Variants in INSL6 observed in about 807,000 individuals in gnomAD.
INSL6 encodes insulin-like peptide INSL6.
Under a neutral mutation model 9.4 loss-of-function variants are expected in INSL6, and 16 were observed. The observed-to-expected ratio is 1.70, with a 90% CI of 1.15 to 2.59. INSL6 has a LOEUF of 2.59. Ranked by LOEUF, INSL6 falls within the 30% of genes most tolerant of loss-of-function variation. INSL6 has a pLI of 0.00. For synonymous variants in INSL6, 154 were observed against 96.9 expected, an observed-to-expected ratio of 1.59 and a Z score of -3.46; for missense variants, 391 against 257.3, an observed-to-expected ratio of 1.52 and a Z score of -3.56.
the INSL6 span, among the ~76,000 whole-genome samples, chr9:5,092,431 T>G: frequency 6.6e-6 from 1 of 152,178 alleles, no homozygotes; most frequent in South Asian, 2.1e-4. Context: ...ACCCAAAGCA[T>G]CCAGCTTACA....
At chr9:5,152,335 A>G (rs2130895928) in intron 2 of INSL6, among the ~76,000 whole-genome samples, 2 of 152,332 alleles carry the variant, frequency 1.3e-5, no homozygotes, top group Middle Eastern at 3.4e-3. Context: ...ATGGAACATA[A>G]AACAATTCTC....
the INSL6 span, chr9:5,108,184 C>T: frequency 1.3e-5 from 2 of 152,030 alleles, no homozygotes; most frequent in African/African-American, 2.4e-5. Flanking sequence ...AATGAATCAC[C>T]CCCACAAAAA....
chr9:5,059,437 G>C, the INSL6 span, among the ~76,000 whole-genome samples: 2 of 152,084 alleles, frequency 1.3e-5, no homozygotes, highest in African/African-American at 4.8e-5. Context: ...TTGTTTGACT[G>C]TACCTCAAAT....
At chr9:5,145,570 C>G (rs1200110276) in intron 2 of INSL6, among the ~76,000 whole-genome samples, 1 of 152,196 alleles carries the variant, frequency 6.6e-6, no homozygotes, top group African/African-American at 2.4e-5. Flanking sequence ...TGGTTCCACT[C>G]TTCCCAGCTC....
chr9:5,149,195 T>C (rs1586862955), intron 2 of INSL6, among the ~76,000 whole-genome samples: 1 of 152,370 alleles, frequency 6.6e-6, no homozygotes, highest in South Asian at 2.1e-4. Flanking sequence ...TAGAGGTACA[T>C]GGCGAGAGTG....
At chr9:5,015,625 C>G in the INSL6 span, among the ~76,000 whole-genome samples, 1 of 151,754 alleles carries the variant, frequency 6.6e-6, no homozygotes, top group Admixed American at 6.6e-5. Flanking sequence ...ACTGCGGCCT[C>G]GGTCTCCTGG....
At chr9:5,178,217 T>G (rs1326351211) in intron 1 of INSL6, among the ~76,000 whole-genome samples, 1 of 152,102 alleles carries the variant, frequency 6.6e-6, no homozygotes, top group African/African-American at 2.4e-5. Flanking sequence ...CCTCCCTGGG[T>G]GAGACCTCCT....
chr9:5,162,867 G>C (rs375337036), downstream of INSL6, among the ~76,000 whole-genome samples: 2 of 152,104 alleles, frequency 1.3e-5, no homozygotes, highest in Admixed American at 1.3e-4. Context: ...CTCAAATGTT[G>C]CTTATCAACT....
At chr9:5,086,128 G>C in the INSL6 span, 1,139 of 380,068 alleles carry the variant, frequency 3.0e-3, 41 homozygotes, top group East Asian at 0.065. Flanking sequence ...AGCGGCGCGC[G>C]GCCCCGGCGG....
At chr9:5,121,726 A>G (rs111578703), downstream of INSL6, among the ~76,000 whole-genome samples, 2,332 of 152,292 alleles carry the variant, frequency 0.015, 27 homozygotes, top group Non-Finnish European at 0.024. Flanking sequence ...AAGAACAAAG[A>G]AGGAGGAGTC....
intron 1 of INSL6, among the ~76,000 whole-genome samples, chr9:5,167,090 G>T (rs1825071209): frequency 6.6e-6 from 1 of 152,084 alleles, no homozygotes; most frequent in Admixed American, 6.6e-5. Context: ...GGAGGTTGGC[G>T]TGACTCAGAG....
At chr9:5,123,432 T>G (rs1485960633), downstream of INSL6, among the ~76,000 whole-genome samples, 1 of 151,962 alleles carries the variant, frequency 6.6e-6, no homozygotes, top group Non-Finnish European at 1.5e-5. Context: ...GCTGATTTGT[T>G]TCACTTAAGA....
downstream of INSL6, chr9:5,123,077 T>C (rs752536965): frequency 1.2e-6 from 2 of 1,611,512 alleles, no homozygotes; most frequent in Admixed American, 1.7e-5. Flanking sequence ...AGTGGTTCTG[T>C]ATGAACTTTT....
At chr9:5,061,080 C>A in the INSL6 span, among the ~76,000 whole-genome samples, 28 of 152,188 alleles carry the variant, frequency 1.8e-4, no homozygotes. Flanking sequence ...TTAAAATAGT[C>A]AGTAAACCAT....
chr9:5,134,449 C>A (rs1441475746), intron 2 of INSL6, among the ~76,000 whole-genome samples: 4 of 152,136 alleles, frequency 2.6e-5, no homozygotes, highest in Non-Finnish European at 5.9e-5. Flanking sequence ...AGAGAAAGGT[C>A]GGGTTACCCA....
chr9:5,022,142 C>T, the INSL6 span: 1 of 1,613,960 alleles, frequency 6.2e-7, no homozygotes, highest in Non-Finnish European at 8.5e-7. Context: ...AAATCTGAGG[C>T]AGATTATCTG....
the INSL6 span, chr9:5,041,310 T>A: frequency 1.3e-6 from 1 of 799,174 alleles, no homozygotes; most frequent in East Asian, 2.6e-5. Flanking sequence ...AAGAAGCACA[T>A]CCCGTGCAGC....
At chr9:5,086,142 C>A in the INSL6 span, 1 of 386,480 alleles carries the variant, frequency 2.6e-6, no homozygotes. Context: ...CCGGCGGCCC[C>A]GCAAGGCTCG....
intron 2 of INSL6, among the ~76,000 whole-genome samples, chr9:5,147,855 T>C (rs1426039015): frequency 6.6e-6 from 1 of 152,252 alleles, no homozygotes; most frequent in Non-Finnish European, 1.5e-5. Context: ...CTGATTGTAT[T>C]ATGAAATTCC....
Sources: gnomAD v4.1 joint callset for allele counts (sites outside exome capture counted in the v4.1 genomes callset) on GRCh38, gnomAD v4.1.1 for gene constraint, MANE v1.5 for transcripts, NCBI Gene and HGNC (gene_info 2026-07-23, HGNC 2026-07-21) for gene names.